VPS26A: variants seen among roughly 807,000 people sequenced by gnomAD.
The protein encoded by VPS26A is vacuolar protein sorting-associated protein 26A.
In VPS26A, 22 loss-of-function variants were observed where a neutral mutation model predicts 42.4. The observed-to-expected ratio is 0.52, with a 90% CI of 0.37 to 0.74. The LOEUF is 0.74. Ranked by LOEUF, VPS26A falls within the 30% of genes least tolerant of loss-of-function variation. VPS26A has a pLI of 0.00. For synonymous variants in VPS26A, 110 were observed against 123.5 expected (o/e 0.89, Z 0.73); for missense variants, 276 against 379.2 (o/e 0.73, Z 2.26).
rs1841886818 is a variant in VPS26A at position 69,174,327 on chromosome 10, G to A, written c.*3058G>A. On this transcript the variant is annotated 3_prime_UTR_variant, in exon 9 of 9. Transcript: ENST00000263559. ...GATCATGCCACTGCACTGTAGCTTGGGTGACAGAGACACCATGTCTCAAAA... is the reference window on the plus strand; with the variant it reads ...GATCATGCCACTGCACTGTAGCTTGAGTGACAGAGACACCATGTCTCAAAA... Among the ~76,000 whole-genome samples, 1 of 152,104 alleles carries A rather than the reference G, an allele frequency of 6.6e-6. No individual in the cohort carries two copies. The highest frequency in any genetic ancestry group is 1.5e-5 in the Non-Finnish European group (1 of 68,022).
intron 2 of VPS26A, among the ~76,000 whole-genome samples, chr10:69,142,834 C>T (rs1163704637): frequency 6.6e-6 from 1 of 151,406 alleles, no homozygotes; most frequent in African/African-American, 2.4e-5. Context: ...TAAAAATAAA[C>T]TAACTAGTTT....
intron 5 of VPS26A, among the ~76,000 whole-genome samples, chr10:69,161,367 A>T (rs1045279006): frequency 3.3e-5 from 5 of 152,208 alleles, no homozygotes; most frequent in African/African-American, 1.2e-4. Flanking sequence ...CAGCCAGAAC[A>T]GTTAACCAGG....
At chr10:69,153,782 G>T (rs538183397) in intron 2 of VPS26A, among the ~76,000 whole-genome samples, 1 of 152,210 alleles carries the variant, frequency 6.6e-6, no homozygotes, top group African/African-American at 2.4e-5. Context: ...ACCAGCCTGG[G>T]CAATATATTG....
chr10:69,150,872 A>G (rs139919481), intron 2 of VPS26A, among the ~76,000 whole-genome samples: 1 of 152,288 alleles, frequency 6.6e-6, no homozygotes, highest in African/African-American at 2.4e-5. Flanking sequence ...GAATCTGGGT[A>G]AAGGTTATGT....
In VPS26A at chr10:69,133,606, A is replaced by C. The variant is rs1290434272; in HGVS notation, c.153+559A>C. On this transcript the variant is annotated intron_variant, in intron 2 of 8. Coordinates refer to ENST00000263559, the MANE Select transcript of VPS26A (RefSeq NM_004896.5). The stretch of plus-strand genomic sequence containing the variant: ...AGATATGTTTATGACGCCTTCTATA[A>C]GGTTTCACTTTTTTCCCCTTTTCTT... The C allele has an allele frequency of 2.3e-6, 3 of 1,289,472 alleles. No homozygotes were observed. In the South Asian group the frequency reaches 3.7e-5, roughly 16 times the overall value. 79.9% of individuals were successfully genotyped at this position (1,289,472 alleles called of 1,614,324 possible).
intron 2 of VPS26A, among the ~76,000 whole-genome samples, chr10:69,146,503 A>G (rs1243346593): frequency 6.6e-6 from 1 of 152,216 alleles, no homozygotes; most frequent in Non-Finnish European, 1.5e-5. Context: ...ATGTTTTGCA[A>G]GCATAGCTAC....
chr10:69,165,628 GA>G (rs1841667443), intron 6 of VPS26A, among the ~76,000 whole-genome samples: 1 of 152,038 alleles, frequency 6.6e-6, no homozygotes, highest in South Asian at 2.1e-4. Flanking sequence ...GCATCATGGT[GA>G]AACCCCATCT....
chr10:69,133,604 T>C, intron 2 of VPS26A: 4 of 1,289,646 alleles, frequency 3.1e-6, no homozygotes, highest in Non-Finnish European at 4.0e-6. Flanking sequence ...ACGCCTTCTA[T>C]AAGGTTTCAC....
At chr10:69,127,931 C>T (rs1319896178) in intron 1 of VPS26A, among the ~76,000 whole-genome samples, 3 of 151,828 alleles carry the variant, frequency 2.0e-5, no homozygotes, top group Non-Finnish European at 2.9e-5. Flanking sequence ...CTTCTGGGCT[C>T]AAGTGATCCT....
chr10:69,158,023 A>G, intron 4 of VPS26A, 24 bp from the exon 5 acceptor site: 1 of 1,566,880 alleles, frequency 6.4e-7, no homozygotes, highest in Non-Finnish European at 8.6e-7. Flanking sequence ...GATTTAACTC[A>G]TCGACTCTCT....
intron 5 of VPS26A, 64 bp from the exon 6 acceptor site, chr10:69,162,342 C>T: frequency 7.2e-6 from 6 of 837,694 alleles, no homozygotes; most frequent in Non-Finnish European, 9.5e-6. Context: ...TCTTTTAGGA[C>T]ATAGTTCACT....
intron 1 of VPS26A, among the ~76,000 whole-genome samples, chr10:69,129,112 C>G (rs73272598): frequency 0.042 from 6,342 of 151,430 alleles, 469 homozygotes; most frequent in African/African-American, 0.14. Context: ...TCTTATTGCT[C>G]TCTCTGCCAA....
chr10:69,162,329 A>G (rs980938276), intron 5 of VPS26A, 77 bp from the exon 6 acceptor site: 24 of 724,156 alleles, frequency 3.3e-5, no homozygotes, highest in African/African-American at 3.1e-4. Context: ...ATGTCTATCA[A>G]AGTCTTTTAG....
At chr10:69,166,890 G>T (rs953165025) in intron 7 of VPS26A, among the ~76,000 whole-genome samples, 4 of 152,096 alleles carry the variant, frequency 2.6e-5, no homozygotes, top group African/African-American at 7.2e-5. Flanking sequence ...ATTTTGGGAG[G>T]CTGAGGTGGG....
chr10:69,129,211 G>A (rs1464554656), intron 1 of VPS26A, among the ~76,000 whole-genome samples: 8 of 151,916 alleles, frequency 5.3e-5, no homozygotes, highest in African/African-American at 1.9e-4. Context: ...TTTCATGATT[G>A]CTCCTCCCAC....
intron 2 of VPS26A, among the ~76,000 whole-genome samples, chr10:69,141,335 C>T (rs1277144556): frequency 6.6e-6 from 1 of 152,204 alleles, no homozygotes; most frequent in African/African-American, 2.4e-5. Flanking sequence ...AGCTGAGGGC[C>T]TTATTCTGTG....
chr10:69,161,144 C>G (rs1331882533), intron 5 of VPS26A, among the ~76,000 whole-genome samples: 1 of 152,208 alleles, frequency 6.6e-6, no homozygotes, highest in African/African-American at 2.4e-5. Context: ...ACTGCAGCCT[C>G]AATCTCCCAG....
At chr10:69,143,140 A>G (rs866217844) in intron 2 of VPS26A, among the ~76,000 whole-genome samples, 8 of 152,230 alleles carry the variant, frequency 5.3e-5, no homozygotes, top group Non-Finnish European at 7.3e-5. Flanking sequence ...ACGACCAAGC[A>G]TGTGTCACTA....
At chr10:69,136,782 G>GTTATTTATTTATTTATTTATTTATTTAT (rs373863330) in intron 2 of VPS26A, among the ~76,000 whole-genome samples, 1 of 151,234 alleles carries the variant, frequency 6.6e-6, no homozygotes, top group African/African-American at 2.4e-5. Flanking sequence ...GGCCTGTTTT[G>GTTATTTATTTATTTATTTATTTATTTAT]TTATTTATTT....
Sources: allele counts gnomAD v4.1 joint callset (sites outside exome capture counted in the v4.1 genomes callset), GRCh38; gene constraint gnomAD v4.1.1; transcripts MANE v1.5; gene names NCBI Gene and HGNC (gene_info 2026-07-23, HGNC 2026-07-21).